The following GUCY2F variants were observed in gnomAD, a reference collection of about 807,000 sequenced individuals.
GUCY2F encodes the protein retinal guanylyl cyclase 2.
In GUCY2F, 61 loss-of-function variants were observed where a neutral mutation model predicts 73.1. The ratio of observed to expected loss-of-function variants is 0.83; its 90% CI spans 0.68 to 1.03. The LOEUF is 1.03. GUCY2F is among the 50% of genes least tolerant of loss of function. The pLI is 0.00. For synonymous variants in GUCY2F, 331 were observed against 307.8 expected, an observed-to-expected ratio of 1.08 and a Z score of -0.79; for missense variants, 912 against 854.3, an observed-to-expected ratio of 1.07 and a Z score of -0.84.
rs192715579 is a variant in GUCY2F, at chrX:109,431,760, C to T, written c.1702-1364G>A. On this transcript the variant is annotated intron_variant, in intron 7 of 19. Transcript: ENST00000218006. ...TTAAGGAATATATCCAGCTATGGCA[C>T]TGCATCTGGAAACCTGCCAGAGGCA... 1.0e-4 allele frequency among the ~76,000 whole-genome samples: 11 copies of T among 109,293 alleles called. No homozygotes were observed. The East Asian group carries it at 2.9e-3, about 29-fold the overall frequency. The allele number at this position is 109,293 out of a possible 115,157, so 94.9% of individuals were successfully genotyped here.
intron 2 of GUCY2F, among the ~76,000 whole-genome samples, chrX:109,471,383 C>T (rs1932570666): frequency 8.9e-6 from 1 of 112,471 alleles, no homozygotes; most frequent in Non-Finnish European, 1.9e-5. Flanking sequence ...GGGCCTCCTG[C>T]TAACCTTCGC....
In GUCY2F at chrX:109,397,154, A is replaced by T. The variant is rs746008487; in HGVS notation, c.2275+1395T>A. On this transcript the variant is annotated intron_variant, in intron 11 of 19. Coordinates refer to ENST00000218006, the MANE Select transcript of GUCY2F (RefSeq NM_001522.3). ...GGCAAGATTGGGAGGAGGTGGAAAA[A>T]TTCCACCTCCTAGTATGTGAAAAGG... Among the ~76,000 whole-genome samples the T allele has an allele frequency of 2.1e-4, 23 of 111,458 alleles. No individual in the cohort carries two copies. The South Asian group carries it at 8.0e-3, about 39-fold the overall frequency.
At chrX:109,421,385 C>T (rs1415530161) in intron 8 of GUCY2F, among the ~76,000 whole-genome samples, 1 of 111,265 alleles carries the variant, frequency 9.0e-6, no homozygotes, top group Non-Finnish European at 1.9e-5. Context: ...GAATAACATA[C>T]AATGGACTAT....
chrX:109,375,804 A>G, intron 19 of GUCY2F, 94 bp downstream of exon 19: 2 of 622,090 alleles, frequency 3.2e-6, no homozygotes, highest in Non-Finnish European at 5.5e-6. Flanking sequence ...CTATGCCAAC[A>G]GAGTATAGGC....
chrX:109,460,088 T>G (rs1323337375), intron 3 of GUCY2F, among the ~76,000 whole-genome samples: 1 of 111,018 alleles, frequency 9.0e-6, no homozygotes, highest in African/African-American at 3.3e-5. Context: ...AAAGGAAAAC[T>G]AAAAACAAAA....
chrX:109,381,583 G>C (rs1930311394), intron 17 of GUCY2F, among the ~76,000 whole-genome samples: 1 of 111,957 alleles, frequency 8.9e-6, no homozygotes, highest in Non-Finnish European at 1.9e-5. Flanking sequence ...CTCTAACAGG[G>C]AAAAAGGGGC....
At chrX:109,426,022 C>T (rs1931479210) in intron 8 of GUCY2F, among the ~76,000 whole-genome samples, 1 of 111,136 alleles carries the variant, frequency 9.0e-6, no homozygotes, top group Admixed American at 9.6e-5. Flanking sequence ...TAGTAAGGGA[C>T]ATTTAAATAT....
At chrX:109,476,724 A>AGATAGAT (rs764018507) in intron 1 of GUCY2F, among the ~76,000 whole-genome samples, 3 of 26,488 alleles carry the variant, frequency 1.1e-4, no homozygotes, top group Non-Finnish European at 2.7e-4. Context: ...CCAGAGGTAA[A>AGATAGAT]GATAGATAGA....
intron 4 of GUCY2F, among the ~76,000 whole-genome samples, chrX:109,452,785 A>C (rs1387526683): frequency 8.9e-6 from 1 of 111,741 alleles, no homozygotes; most frequent in Non-Finnish European, 1.9e-5. Context: ...GTTGCATAAT[A>C]ACAATATGGG....
At chrX:109,453,907 G>A (rs766067980) in intron 3 of GUCY2F, 48 bp from the exon 4 acceptor site, 5 of 699,131 alleles carry the variant, frequency 7.2e-6, no homozygotes, top group East Asian at 3.5e-5. Context: ...GCCCTAGAGC[G>A]ATCTCAGAGT....
intron 8 of GUCY2F, among the ~76,000 whole-genome samples, chrX:109,423,851 C>T (rs887561334): frequency 9.1e-6 from 1 of 109,586 alleles, no homozygotes; most frequent in Admixed American, 9.7e-5. Context: ...AGTAAAAGAG[C>T]AACAAATTAA....
chrX:109,436,614 G>A (rs1288462609), intron 7 of GUCY2F, among the ~76,000 whole-genome samples: 1 of 111,873 alleles, frequency 8.9e-6, no homozygotes, highest in Admixed American at 9.4e-5. Context: ...CATAAAAAAG[G>A]ATGAGTTCAT....
At chrX:109,466,417 C>T (rs1932470638) in intron 2 of GUCY2F, among the ~76,000 whole-genome samples, 1 of 111,505 alleles carries the variant, frequency 9.0e-6, no homozygotes, top group South Asian at 3.7e-4. Flanking sequence ...ATTGAAATTA[C>T]TATGGACTCA....
intron 3 of GUCY2F, among the ~76,000 whole-genome samples, chrX:109,459,695 G>A (rs747680190): frequency 1.8e-5 from 2 of 111,768 alleles, no homozygotes; most frequent in Non-Finnish European, 3.8e-5. Context: ...ACTCTTCTCT[G>A]AAGAAAAAGA....
chrX:109,421,163 AATGGTGCAACTGCT>A (rs1931363065), intron 8 of GUCY2F, among the ~76,000 whole-genome samples: 1 of 111,445 alleles, frequency 9.0e-6, no homozygotes, highest in Non-Finnish European at 1.9e-5. Context: ...GGGATTGTAA[AATGGTGCAACTGCT>A]ATGGAAAACA....
chrX:109,376,192 C>T (rs374660748), intron 17 of GUCY2F, 25 bp from the exon 18 acceptor site: 30 of 1,023,566 alleles, frequency 2.9e-5, no homozygotes, highest in Non-Finnish European at 4.0e-5. Flanking sequence ...CATAAAAAAT[C>T]TTAAGCCTGC....
chrX:109,392,202 G>T, intron 13 of GUCY2F, 99 bp from the exon 14 acceptor site: 1 of 555,594 alleles, frequency 1.8e-6, no homozygotes, highest in Non-Finnish European at 2.9e-6. Flanking sequence ...AAAAATCACT[G>T]CTAATAAATG....
intron 2 of GUCY2F, among the ~76,000 whole-genome samples, chrX:109,473,442 T>C (rs780287224): frequency 3.7e-4 from 41 of 112,185 alleles, no homozygotes; most frequent in African/African-American, 1.3e-3. Context: ...GGCTGCACGT[T>C]ACAAGCGCCC....
intron 16 of GUCY2F, chrX:109,383,401 G>T: frequency 1.4e-6 from 1 of 734,066 alleles, no homozygotes; most frequent in Non-Finnish European, 1.6e-6. Context: ...ATCACTCCAG[G>T]ACTGGGTCAC....
Sources: allele counts gnomAD v4.1 joint callset (sites outside exome capture counted in the v4.1 genomes callset), GRCh38; gene constraint gnomAD v4.1.1; transcripts MANE v1.5; gene names NCBI Gene and HGNC (gene_info 2026-07-23, HGNC 2026-07-21).